Variants in CNTNAP5 observed in about 807,000 individuals in gnomAD.
CNTNAP5 encodes the protein contactin associated protein family member 5, also known as contactin-associated protein-like 5.
A neutral mutation model predicts 150.2 loss-of-function variants in CNTNAP5; 72 were observed. The observed-to-expected ratio is 0.48, with a 90% CI of 0.40 to 0.58. The LOEUF (loss-of-function observed/expected upper bound fraction) is 0.58, where lower values mean the gene tolerates loss of function less well. Ranked by LOEUF, CNTNAP5 falls within the 20% of genes least tolerant of loss-of-function variation. The pLI is 0.00. For missense variants in CNTNAP5, 1,636 were observed against 1,626.2 expected (o/e 1.01, Z -0.10); for synonymous variants, 672 against 619.8 (o/e 1.08, Z -1.25).
intron 6 of CNTNAP5, among the ~76,000 whole-genome samples, chr2:124,458,780 A>G (rs959410447): frequency 1.6e-4 from 24 of 152,262 alleles, no homozygotes; most frequent in African/African-American, 5.5e-4. Context: ...ATATGTAAAG[A>G]AAATGAACAC....
chr2:124,602,434 A>G (rs1261950195), intron 11 of CNTNAP5, among the ~76,000 whole-genome samples: 1 of 150,476 alleles, frequency 6.6e-6, no homozygotes, highest in Non-Finnish European at 1.5e-5. Flanking sequence ...ATATTCTCTC[A>G]TTTTTATTTC....
intron 13 of CNTNAP5, among the ~76,000 whole-genome samples, chr2:124,694,142 T>A (rs1008487532): frequency 3.9e-5 from 6 of 152,192 alleles, no homozygotes; most frequent in Non-Finnish European, 7.4e-5. Flanking sequence ...TTCCCCCTCT[T>A]TAGTGACCTA....
At chr2:124,346,834 G>T (rs1254183054) in intron 3 of CNTNAP5, among the ~76,000 whole-genome samples, 2 of 151,164 alleles carry the variant, frequency 1.3e-5, no homozygotes, top group Admixed American at 6.6e-5. Flanking sequence ...ACTTTGTGAG[G>T]CTGAGGTGGG....
chr2:124,880,276 T>G (rs1166273270), intron 21 of CNTNAP5, among the ~76,000 whole-genome samples: 1 of 152,170 alleles, frequency 6.6e-6, no homozygotes, highest in Non-Finnish European at 1.5e-5. Context: ...GTGATCAGTG[T>G]CAGAGCTAGG....
intron 13 of CNTNAP5, among the ~76,000 whole-genome samples, chr2:124,712,072 C>G (rs931182217): frequency 1.3e-5 from 2 of 152,018 alleles, no homozygotes; most frequent in African/African-American, 4.8e-5. Context: ...TCTTATTGGC[C>G]AGGAGTGTGT....
At chr2:124,651,728 T>C (rs1558720469) in intron 13 of CNTNAP5, among the ~76,000 whole-genome samples, 1 of 151,988 alleles carries the variant, frequency 6.6e-6, no homozygotes, top group Non-Finnish European at 1.5e-5. Context: ...TGTAGGAAAA[T>C]GGAAGGAGAG....
At chr2:124,735,103 C>A (rs369419216) in intron 13 of CNTNAP5, among the ~76,000 whole-genome samples, 5 of 152,130 alleles carry the variant, frequency 3.3e-5, no homozygotes, top group East Asian at 3.9e-4. Context: ...GCAGAGAATT[C>A]TAGCTTTCCC....
intron 11 of CNTNAP5, among the ~76,000 whole-genome samples, chr2:124,574,237 C>T (rs1696226935): frequency 6.6e-6 from 1 of 152,142 alleles, no homozygotes; most frequent in Non-Finnish European, 1.5e-5. Flanking sequence ...ATCCTCTCTG[C>T]CACAAATGAC....
chr2:124,625,487 T>C (rs971729184), intron 12 of CNTNAP5, among the ~76,000 whole-genome samples: 3 of 149,350 alleles, frequency 2.0e-5, no homozygotes, highest in Non-Finnish European at 4.4e-5. Context: ...TGATCAGAAA[T>C]AGCATGTTTA....
intron 1 of CNTNAP5, among the ~76,000 whole-genome samples, chr2:124,076,320 G>A (rs1682436730): frequency 6.6e-6 from 1 of 152,116 alleles, no homozygotes; most frequent in Non-Finnish European, 1.5e-5. Context: ...TAATGACAGA[G>A]TCTCCAGCTT....
intron 13 of CNTNAP5, among the ~76,000 whole-genome samples, chr2:124,706,559 C>A (rs1344127087): frequency 6.6e-6 from 1 of 151,792 alleles, no homozygotes; most frequent in Non-Finnish European, 1.5e-5. Flanking sequence ...CCAGCTTGGC[C>A]AAAGTGGTGA....
intron 13 of CNTNAP5, among the ~76,000 whole-genome samples, chr2:124,720,824 T>G (rs1332660692): frequency 3.9e-5 from 6 of 152,144 alleles, no homozygotes; most frequent in Non-Finnish European, 8.8e-5. Flanking sequence ...TGAAATGGAG[T>G]GCTACATTTC....
chr2:124,575,092 A>G lies in CNTNAP5; in HGVS notation c.1756+11769A>G, dbSNP rs562370065. ...TTTTTTTCCCACTGCAACCTTGATG[A>G]GGGACGAGGCAAGTACGCTTTAATG... On this transcript the variant is annotated intron_variant, in intron 11 of 23. Coordinates refer to ENST00000682447, the MANE Select transcript of CNTNAP5 (RefSeq NM_001367498.1). Among the ~76,000 whole-genome samples, 3 of 152,234 alleles carry G rather than the reference A, an allele frequency of 2.0e-5. No individual in the cohort carries two copies. In the South Asian group the frequency reaches 6.2e-4, roughly 32 times the overall value.
At chr2:124,432,306 C>T (rs995826183) in intron 4 of CNTNAP5, among the ~76,000 whole-genome samples, 1 of 152,130 alleles carries the variant, frequency 6.6e-6, no homozygotes, top group African/African-American at 2.4e-5. Context: ...CTTTCTGTCC[C>T]TTCTCCATCA....
chr2:124,135,457 G>A (rs1016802282), intron 1 of CNTNAP5, among the ~76,000 whole-genome samples: 1 of 152,066 alleles, frequency 6.6e-6, no homozygotes, highest in African/African-American at 2.4e-5. Context: ...CTGCGTTTCT[G>A]TTATACATGT....
intron 4 of CNTNAP5, among the ~76,000 whole-genome samples, chr2:124,423,959 C>T (rs377209362): frequency 3.5e-4 from 54 of 152,134 alleles, no homozygotes; most frequent in East Asian, 1.9e-3. Flanking sequence ...CCACCGCGCC[C>T]GGCCCGGCTA....
chr2:124,739,320 G>A (rs993625213), intron 13 of CNTNAP5, among the ~76,000 whole-genome samples: 5 of 152,142 alleles, frequency 3.3e-5, no homozygotes, highest in Non-Finnish European at 5.9e-5. Context: ...TGACTTTGAT[G>A]AGTGCCTGCC....
At chr2:124,568,940 C>T (rs10209744) in intron 11 of CNTNAP5, among the ~76,000 whole-genome samples, 2,478 of 152,164 alleles carry the variant, frequency 0.016, 65 homozygotes, top group African/African-American at 0.056. Flanking sequence ...CCCAGCTAAT[C>T]GGGAGGCTGA....
At chr2:124,805,343 A>G (rs182751344) in intron 19 of CNTNAP5, among the ~76,000 whole-genome samples, 1 of 152,282 alleles carries the variant, frequency 6.6e-6, no homozygotes, top group East Asian at 1.9e-4. Context: ...AGAGAGCTAT[A>G]ATAACTAAGA....
Sources: allele counts gnomAD v4.1 joint callset (sites outside exome capture counted in the v4.1 genomes callset), GRCh38; gene constraint gnomAD v4.1.1; transcripts MANE v1.5; gene names NCBI Gene and HGNC (gene_info 2026-07-23, HGNC 2026-07-21).